NAALADL2: variants seen among roughly 807,000 people sequenced by gnomAD.
The protein encoded by NAALADL2 is N-acetylated alpha-linked acidic dipeptidase like 2, also known as inactive N-acetylated-alpha-linked acidic dipeptidase-like protein 2.
NAALADL2 carries 76 observed loss-of-function variants against 87.2 expected under a neutral mutation model. That is an observed-to-expected ratio of 0.87 (90% confidence interval 0.72 to 1.05). The LOEUF is 1.05. Among genes scored for constraint, NAALADL2 ranks in the 50% least tolerant of loss-of-function variants. The pLI is 0.00. For missense variants in NAALADL2, 1,089 were observed against 945.8 expected (o/e 1.15, Z -1.99); for synonymous variants, 354 against 331.0 (o/e 1.07, Z -0.75).
At chr3:175,087,778 C>T (rs1380547574) in intron 1 of NAALADL2, among the ~76,000 whole-genome samples, 8 of 151,972 alleles carry the variant, frequency 5.3e-5, no homozygotes, top group East Asian at 1.9e-4. Flanking sequence ...TGCAAAAGGC[C>T]GCAGGGTCCT....
intron 2 of NAALADL2, chr3:175,218,131 G>T: frequency 2.2e-6 from 1 of 444,856 alleles, no homozygotes; most frequent in South Asian, 1.6e-5. Context: ...AAGGTAATCA[G>T]CTTATTATTT....
At chr3:175,524,936 CTT>C (rs1435353288) in intron 9 of NAALADL2, among the ~76,000 whole-genome samples, 1 of 152,036 alleles carries the variant, frequency 6.6e-6, no homozygotes. Flanking sequence ...TATACTAACT[CTT>C]ATAACAGGAA....
chr3:174,817,296 T>C (rs1267980442), intron 3 of NAALADL2, among the ~76,000 whole-genome samples: 2 of 152,190 alleles, frequency 1.3e-5, no homozygotes, highest in African/African-American at 4.8e-5. Context: ...GTATGATAAT[T>C]TGATTTTTAT....
intron 9 of NAALADL2, among the ~76,000 whole-genome samples, chr3:175,490,293 G>C (rs1269851910): frequency 6.6e-6 from 1 of 152,132 alleles, no homozygotes; most frequent in Non-Finnish European, 1.5e-5. Flanking sequence ...GCCCACTTTA[G>C]AGTTTCTATT....
At chr3:174,746,414 C>T (rs976866045) in intron 3 of NAALADL2, among the ~76,000 whole-genome samples, 4 of 152,084 alleles carry the variant, frequency 2.6e-5, no homozygotes, top group African/African-American at 9.7e-5. Context: ...CAAACCACTG[C>T]TCAAGGAATT....
chr3:174,901,857 G>A (rs1732349685), intron 1 of NAALADL2, among the ~76,000 whole-genome samples: 1 of 152,118 alleles, frequency 6.6e-6, no homozygotes, highest in Admixed American at 6.5e-5. Flanking sequence ...TATATGCATG[G>A]GCTTTATGTT....
chr3:175,350,991 T>C (rs1365592707), intron 5 of NAALADL2, among the ~76,000 whole-genome samples: 1 of 152,130 alleles, frequency 6.6e-6, no homozygotes, highest in Non-Finnish European at 1.5e-5. Flanking sequence ...CAACAGCAGA[T>C]AGTTTTCCTA....
intron 12 of NAALADL2, among the ~76,000 whole-genome samples, chr3:175,753,470 C>T (rs980909710): frequency 8.6e-5 from 13 of 151,930 alleles, no homozygotes; most frequent in African/African-American, 3.1e-4. Flanking sequence ...GTGCTGGGCA[C>T]TAAAGACATT....
chr3:174,572,163 C>G (rs553042570), intron 2 of NAALADL2, among the ~76,000 whole-genome samples: 1 of 152,172 alleles, frequency 6.6e-6, no homozygotes, highest in Non-Finnish European at 1.5e-5. Flanking sequence ...GAGTCCTGCT[C>G]TGCTGTCCAG....
intron 13 of NAALADL2, among the ~76,000 whole-genome samples, chr3:175,764,789 C>T (rs1748478005): frequency 6.6e-6 from 1 of 152,032 alleles, no homozygotes; most frequent in African/African-American, 2.4e-5. Context: ...GCTACATATT[C>T]AGTACATACA....
At chr3:175,208,280 C>A (rs1000358874) in intron 2 of NAALADL2, among the ~76,000 whole-genome samples, 2 of 152,114 alleles carry the variant, frequency 1.3e-5, no homozygotes, top group African/African-American at 4.8e-5. Context: ...TATGTCAATT[C>A]TTTAAAAGTC....
rs1367579218 is a variant in NAALADL2 at position 175,013,294 on chromosome 3, TATATA to T, written c.44-83495_44-83491del. Among the ~76,000 whole-genome samples, 100 of 84,084 alleles carry T rather than the reference TATATA, an allele frequency of 1.2e-3. 4 individuals carry two copies. Among genetic ancestry groups the T allele is most frequent in the Middle Eastern group, 7.4e-3 (1 of 136 alleles). 55.2% of individuals were successfully genotyped at this position (84,084 alleles called of 152,430 possible). On this transcript the variant is annotated intron_variant, in intron 1 of 13. Transcript: ENST00000454872. ...ATATATATACATATATATATATATA[TATATA>T]TATTTTTTTTTTTTTTTGAGACAGG...
At chr3:175,147,316 C>T (rs1422167609) in intron 2 of NAALADL2, among the ~76,000 whole-genome samples, 1 of 152,096 alleles carries the variant, frequency 6.6e-6, no homozygotes, top group Non-Finnish European at 1.5e-5. Context: ...ATTTAGCTCT[C>T]ACTTATAAGT....
intron 2 of NAALADL2, among the ~76,000 whole-genome samples, chr3:175,105,294 T>G (rs1365023742): frequency 6.6e-6 from 1 of 152,090 alleles, no homozygotes; most frequent in African/African-American, 2.4e-5. Flanking sequence ...TTAAACAGCA[T>G]GTAGGCTCTC....
intron 1 of NAALADL2, among the ~76,000 whole-genome samples, chr3:174,488,362 A>G (rs961602665): frequency 2.0e-5 from 3 of 151,998 alleles, no homozygotes; most frequent in Non-Finnish European, 2.9e-5. Context: ...TAATAAGAAT[A>G]TGATAGGATT....
intron 1 of NAALADL2, among the ~76,000 whole-genome samples, chr3:174,949,664 T>C (rs908614513): frequency 3.9e-5 from 6 of 152,132 alleles, no homozygotes; most frequent in African/African-American, 1.4e-4. Context: ...CTATGCCCTT[T>C]ACAAAGGAAT....
intron 1 of NAALADL2, among the ~76,000 whole-genome samples, chr3:174,958,742 T>C (rs948074948): frequency 1.3e-5 from 2 of 152,102 alleles, no homozygotes; most frequent in African/African-American, 4.8e-5. Context: ...TTGTGATAAA[T>C]TTTAATTCTT....
intron 2 of NAALADL2, among the ~76,000 whole-genome samples, chr3:174,667,394 G>A (rs1207038471): frequency 6.6e-6 from 1 of 152,060 alleles, no homozygotes; most frequent in Non-Finnish European, 1.5e-5. Flanking sequence ...CACTTTTAAA[G>A]GGGTCTTATC....
At chr3:174,822,645 T>G (rs1721556776) in intron 3 of NAALADL2, among the ~76,000 whole-genome samples, 1 of 152,238 alleles carries the variant, frequency 6.6e-6, no homozygotes, top group African/African-American at 2.4e-5. Flanking sequence ...ATATATGATG[T>G]ATATATAGAT....
Sources: gnomAD v4.1 joint callset for allele counts (sites outside exome capture counted in the v4.1 genomes callset) on GRCh38, gnomAD v4.1.1 for gene constraint, MANE v1.5 for transcripts, NCBI Gene and HGNC (gene_info 2026-07-23, HGNC 2026-07-21) for gene names.